The following BCO2 variants were observed in gnomAD, a reference collection of about 807,000 sequenced individuals.
BCO2 encodes carotenoid-cleaving dioxygenase, mitochondrial.
A neutral mutation model predicts 65.8 loss-of-function variants in BCO2; 56 were observed. That is an observed-to-expected ratio of 0.85 (90% CI 0.69 to 1.06). BCO2 has a LOEUF of 1.06. Ranked by LOEUF, BCO2 falls within the 50% of genes least tolerant of loss-of-function variation. BCO2 has a pLI of 0.00. For missense variants in BCO2, 675 were observed against 698.5 expected (o/e 0.97, Z 0.38); for synonymous variants, 233 against 242.3 (o/e 0.96, Z 0.36).
At position 112,214,944 on chromosome 11, in the gene BCO2, G is replaced by A. The variant is rs1382300886; in HGVS notation, c.1515G>A (p.Lys505=). The change falls in exon 10 of 12, where the codon AAG becomes AAA. Residue 505 remains lysine, a splice_region_variant and synonymous_variant. Transcript: ENST00000357685. Reference sequence around the variant, plus strand: ...TTGATGTGGTGAATAAGACACTGAAGGTGATGAAAAACTCTTTCCTTTTTG... The same window carrying A: ...TTGATGTGGTGAATAAGACACTGAAAGTGATGAAAAACTCTTTCCTTTTTG... ...IKVDVVNKTL[K]VWREDGFYPS... is the part of the protein sequence containing the mutation. 6.2e-7 allele frequency: 1 copy of A among 1,614,034 alleles called. No homozygotes were observed. The highest frequency in any genetic ancestry group is 1.7e-5 in the Admixed American group (1 of 60,022).
At chr11:112,208,874 T>A (rs1859424778) in intron 8 of BCO2, 1 of 174,598 alleles carries the variant, frequency 5.7e-6, no homozygotes, top group Non-Finnish European at 1.3e-5. Flanking sequence ...AAATTGAATT[T>A]GTCCATTGTG....
At chr11:112,176,309 A>C (rs900687238) in intron 1 of BCO2, 3 of 152,450 alleles carry the variant, frequency 2.0e-5, no homozygotes, top group African/African-American at 7.2e-5. Context: ...ATCATTTATC[A>C]TACAAGACAG....
In BCO2 at chr11:112,194,661, G is replaced by A; in HGVS notation, c.642G>A (p.Trp214Ter). ...TGGTCTCAAATTTGCAGGTAGATTGGAGCAAATTTATTGCTGTGAATGGAG... is the reference window on the plus strand; with the variant it reads ...TGGTCTCAAATTTGCAGGTAGATTGAAGCAAATTTATTGCTGTGAATGGAG... ...ETLEKTEKVD[W>*]SKFIAVNGAT... is the part of the protein sequence containing the mutation. The change falls in exon 5 of 12, where the codon TGG becomes TGA. Residue 214 changes from tryptophan (W) to a stop codon, truncating the protein, a stop_gained. Coordinates refer to ENST00000357685, the MANE Select transcript of BCO2 (RefSeq NM_031938.7). LOFTEE classifies it high-confidence loss of function. 1 of 1,610,318 alleles carries A rather than the reference G, an allele frequency of 6.2e-7. No homozygotes were observed.
At chr11:112,217,611 T>C in intron 11 of BCO2, 150 bp from the exon 12 acceptor site, 1 of 568,416 alleles carries the variant, frequency 1.8e-6, no homozygotes, top group Non-Finnish European at 3.1e-6. Flanking sequence ...TCCACCCACC[T>C]CGGCCTCCCA....
At chr11:112,195,281 T>TC (rs1370184015) in intron 5 of BCO2, among the ~76,000 whole-genome samples, 12 of 150,186 alleles carry the variant, frequency 8.0e-5, no homozygotes, top group African/African-American at 3.0e-4. Context: ...ACTGCAGGTG[T>TC]CCTCTGCCAT....
chr11:112,196,812 TTCCTCCTCCTCC>T (rs139461446), intron 5 of BCO2, among the ~76,000 whole-genome samples: 1 of 150,710 alleles, frequency 6.6e-6, no homozygotes, highest in South Asian at 2.1e-4. Flanking sequence ...ACCTCCTCCT[TTCCTCCTCCTCC>T]TCCTCCTTCT....
In BCO2 at chr11:112,214,927, G is replaced by A. The variant is rs370161382; in HGVS notation, c.1498G>A (p.Val500Met). The change falls in exon 10 of 12, where the codon GTG (valine) becomes ATG (methionine). Residue 500 changes from valine to methionine, a missense_variant. By Grantham distance (21) the Val-to-Met change is conservative (BLOSUM62 1). Coordinates refer to ENST00000357685, the MANE Select transcript of BCO2 (RefSeq NM_031938.7). ...VGDSLIKVDV[V>M]NKTLKVWRED... is the part of the protein sequence containing the mutation. ...GGATTCTCTGATCAAGGTTGATGTG[G>A]TGAATAAGACACTGAAGGTGATGAA... 6.8e-6 allele frequency: 11 copies of A among 1,614,042 alleles called. No individual in the cohort carries two copies. Among genetic ancestry groups the A allele is most frequent in the Non-Finnish European group, 7.6e-6 (9 of 1,180,020 alleles).
rs552764157 is a variant in BCO2, at chr11:112,203,583, T to C, written c.1194+1393T>C. Among the ~76,000 whole-genome samples the C allele has an allele frequency of 3.3e-5, 5 of 152,314 alleles. No homozygotes were observed. In the East Asian group the frequency reaches 9.6e-4, roughly 29 times the overall value. On this transcript the variant is annotated intron_variant, in intron 8 of 11. Transcript: ENST00000357685. ...TTAACATATCTATCATCTCACATGT[T>C]ACTTTTTTGTGTGACAAGAGCAGTT...
rs757017144 is a variant in BCO2 at position 112,179,236 on chromosome 11, T to C, written c.89-42T>C. On this transcript the variant is annotated intron_variant, in intron 1 of 11. Coordinates refer to ENST00000357685, the MANE Select transcript of BCO2 (RefSeq NM_031938.7). Reference sequence around the variant, plus strand: ...GGGAAACAGGCAAGTTTATAGAAGATTTGGTAAAATATTTTTTGTGCTTTT... The same window carrying C: ...GGGAAACAGGCAAGTTTATAGAAGACTTGGTAAAATATTTTTTGTGCTTTT... 3 of 1,576,174 alleles carry C rather than the reference T, an allele frequency of 1.9e-6. No individual in the cohort carries two copies. In the African/African-American group the frequency reaches 4.1e-5, roughly 21 times the overall value.
rs1371826857 is a variant in BCO2 at position 112,216,335 on chromosome 11, A to G, written c.1626+5A>G. ...GTGGTGATCACTCCCAACCAGGTAA[A>G]TATATTTCCCTATCACCAGTCAGAA... On this transcript the variant is annotated splice_donor_5th_base_variant and intron_variant, in intron 11 of 11. Coordinates refer to ENST00000357685, the MANE Select transcript of BCO2 (RefSeq NM_031938.7). The G allele has an allele frequency of 1.2e-6, 2 of 1,604,250 alleles. No homozygotes were observed. Among genetic ancestry groups the G allele is most frequent in the Non-Finnish European group, 1.7e-6 (2 of 1,171,078 alleles).
intron 11 of BCO2, among the ~76,000 whole-genome samples, chr11:112,217,291 G>T (rs1458985270): frequency 6.6e-6 from 1 of 152,204 alleles, no homozygotes; most frequent in African/African-American, 2.4e-5. Flanking sequence ...TATAGGTGAG[G>T]CACTGTGCTA....
intron 8 of BCO2, among the ~76,000 whole-genome samples, chr11:112,213,236 C>T (rs1347729922): frequency 7.2e-6 from 1 of 139,070 alleles, no homozygotes; most frequent in Non-Finnish European, 1.5e-5. Flanking sequence ...TTCCACCTTC[C>T]AGGTTCAAGT....
Position 112,218,612 on chromosome 11 carries a change from G to A in BCO2, c.*738G>A. ...TGGGTAGGCCTCTGTAAAACTGAGA[G>A]GGAAACCCCCGAAAAGTGGTTGGCT... On this transcript the variant is annotated 3_prime_UTR_variant, in exon 12 of 12. Transcript: ENST00000357685. 1 of 217,910 alleles carries A rather than the reference G, an allele frequency of 4.6e-6. No homozygotes were observed. Among genetic ancestry groups the A allele is most frequent in the Non-Finnish European group, 9.8e-6 (1 of 101,868 alleles). The allele number at this position is 217,910 out of a possible 1,614,324, so 13.5% of individuals were successfully genotyped here. A position where few individuals can be genotyped will look rare whatever the true frequency, so the allele number is the denominator to read the frequency against.
At position 112,180,096 on chromosome 11, in the gene BCO2, C is replaced by A. The variant is rs571550174; in HGVS notation, c.293+614C>A. 2.6e-4 allele frequency among the ~76,000 whole-genome samples: 39 copies of A among 152,296 alleles called. 1 individual carries two copies. Among genetic ancestry groups the A allele is most frequent in the Admixed American group, 2.3e-3 (35 of 15,288 alleles). ...ATGCTGAAGTCCCTTATATAAAATG[C>A]TTTTATTTGCTTTTAACCTACATAT... On this transcript the variant is annotated intron_variant, in intron 2 of 11. Transcript: ENST00000357685.
chr11:112,192,582 C>A (rs1364069014), intron 2 of BCO2, among the ~76,000 whole-genome samples: 1 of 151,502 alleles, frequency 6.6e-6, no homozygotes, highest in Non-Finnish European at 1.5e-5. Flanking sequence ...CTTGATAAAG[C>A]TGAAAAATTG....
At chr11:112,183,222 A>G (rs1867105056) in intron 2 of BCO2, 2 of 785,294 alleles carry the variant, frequency 2.5e-6, no homozygotes, top group South Asian at 1.4e-5. Flanking sequence ...AAGATCTACA[A>G]GATGAAAATA....
chr11:112,213,723 G>T lies in BCO2; in HGVS notation c.1195-1G>T. 6.2e-7 allele frequency: 1 copy of T among 1,612,244 alleles called. No individual in the cohort carries two copies. Among genetic ancestry groups the T allele is most frequent in the South Asian group, 1.1e-5 (1 of 90,968 alleles). On this transcript the variant is annotated splice_acceptor_variant, in intron 8 of 11. Transcript: ENST00000357685. LOFTEE classifies it high-confidence loss of function. ...TTCATCTCTTTCTTCTTCCCAAACAGGTCCATAATTCAGCAGCCAAATCTT... is the reference window on the plus strand; with the variant it reads ...TTCATCTCTTTCTTCTTCCCAAACATGTCCATAATTCAGCAGCCAAATCTT...
intron 8 of BCO2, among the ~76,000 whole-genome samples, chr11:112,212,508 C>T (rs1009162165): frequency 6.6e-6 from 1 of 152,176 alleles, no homozygotes; most frequent in African/African-American, 2.4e-5. Flanking sequence ...TAGTCATACT[C>T]ATGACTCATG....
chr11:112,202,672 A>G (rs1349027399), intron 8 of BCO2, among the ~76,000 whole-genome samples: 1 of 152,176 alleles, frequency 6.6e-6, no homozygotes, highest in Non-Finnish European at 1.5e-5. Flanking sequence ...TCATTTATTT[A>G]ATATTAAAAA....
Sources: allele counts gnomAD v4.1 joint callset (sites outside exome capture counted in the v4.1 genomes callset), GRCh38; gene constraint gnomAD v4.1.1; transcripts MANE v1.5; gene names NCBI Gene and HGNC (gene_info 2026-07-23, HGNC 2026-07-21).